BIRC6: variants seen among roughly 807,000 people sequenced by gnomAD.
BIRC6 encodes the protein dual E2 ubiquitin-conjugating enzyme/E3 ubiquitin-protein ligase BIRC6.
A neutral mutation model predicts 503.3 loss-of-function variants in BIRC6; 98 were observed. The ratio of observed to expected loss-of-function variants is 0.19; its 90% confidence interval spans 0.17 to 0.23. BIRC6 has a LOEUF of 0.23. Ranked by LOEUF, BIRC6 falls within the 10% of genes least tolerant of loss-of-function variation. BIRC6 has a pLI of 1.00. For synonymous variants in BIRC6, 2,240 were observed against 2,078.7 expected (o/e 1.08, Z -2.11); for missense variants, 5,360 against 5,806.0 (o/e 0.92, Z 2.50).
intron 16 of BIRC6, among the ~76,000 whole-genome samples, chr2:32,440,241 G>A (rs963545482): frequency 6.6e-6 from 1 of 152,206 alleles, no homozygotes; most frequent in Non-Finnish European, 1.5e-5. Flanking sequence ...GTAATTGTTA[G>A]CAGATATTTC....
Position 32,593,018 on chromosome 2 carries a change from A to G in BIRC6, c.13356-897A>G, listed in dbSNP as rs905868310. Among the ~76,000 whole-genome samples, 8 of 152,332 alleles carry G rather than the reference A, an allele frequency of 5.3e-5. No homozygotes were observed. The South Asian group carries it at 1.0e-3, about 20-fold the overall frequency. On this transcript the variant is annotated intron_variant, in intron 66 of 73. Transcript: ENST00000421745. ...TCCCTTTTTAGGTAGGTATACAACT[A>G]AAAAAATAAGTGATGTATAGTTTAG...
intron 10 of BIRC6, among the ~76,000 whole-genome samples, chr2:32,421,329 T>A (rs566470721): frequency 4.3e-4 from 66 of 152,144 alleles, no homozygotes; most frequent in African/African-American, 1.6e-3. Context: ...ATGATACTGA[T>A]CTCTTGACCT....
rs1432389179 is a variant in BIRC6, at chr2:32,599,732, T to C, written c.13831-7T>C. Reference sequence around the variant, plus strand: ...ACATAGACTTTTGTATGTTTATATATATCCAGGTTCTAATAACTGGTCCAG... The same window carrying C: ...ACATAGACTTTTGTATGTTTATATACATCCAGGTTCTAATAACTGGTCCAG... On this transcript the variant is annotated splice_polypyrimidine_tract_variant and splice_region_variant and intron_variant, in intron 69 of 73. Transcript: ENST00000421745. The C allele has an allele frequency of 1.9e-6, 3 of 1,610,842 alleles. No individual in the cohort carries two copies. The Admixed American group carries it at 5.0e-5, about 27-fold the overall frequency.
At chr2:32,430,160 A>G (rs2043938684) in intron 11 of BIRC6, among the ~76,000 whole-genome samples, 1 of 152,170 alleles carries the variant, frequency 6.6e-6, no homozygotes, top group Admixed American at 6.5e-5. Flanking sequence ...TATTGTGAAA[A>G]TACTCTAAAC....
Position 32,442,138 on chromosome 2 carries a change from G to A in BIRC6, c.4018G>A (p.Asp1340Asn), listed in dbSNP as rs769681206. ...KLLNTLCRKT[D>N]DGQITEHAQS... ...TCTTAATACTCTTTGCAGAAAAACAGATGATGGCCAGATCACAGAACATGC... is the reference window on the plus strand; with the variant it reads ...TCTTAATACTCTTTGCAGAAAAACAAATGATGGCCAGATCACAGAACATGC... The change falls in exon 18 of 74, where the codon GAT (aspartate) becomes AAT (asparagine). Residue 1340 changes from aspartate to asparagine, a missense_variant. By Grantham distance (23) the Asp-to-Asn change is conservative. This residue lies in a region of BIRC6 where 2,299 missense variants were observed against 2,267.2 expected (regional missense o/e 1.01). Transcript: ENST00000421745. 1 of 1,610,598 alleles carries A rather than the reference G, an allele frequency of 6.2e-7. No homozygotes were observed. The highest frequency in any genetic ancestry group is 1.3e-5 in the African/African-American group (1 of 74,638).
At chr2:32,435,439 A>AT (rs2044591888) in intron 13 of BIRC6, 57 bp from the exon 14 acceptor site, 2 of 1,453,836 alleles carry the variant, frequency 1.4e-6, no homozygotes, top group East Asian at 5.2e-5. Context: ...GTTTACTAAT[A>AT]TTTTTATCCT....
intron 61 of BIRC6, among the ~76,000 whole-genome samples, chr2:32,533,994 A>G (rs564726916): frequency 1.3e-5 from 2 of 152,302 alleles, no homozygotes; most frequent in East Asian, 1.9e-4. Flanking sequence ...GGATACTACT[A>G]GCTATATGGG....
rs775809555 is a variant in BIRC6 at position 32,490,014 on chromosome 2, T to C, written c.8096-27T>C. 39 of 1,464,954 alleles carry C rather than the reference T, an allele frequency of 2.7e-5. No homozygotes were observed. In the South Asian group the frequency reaches 4.2e-4, roughly 16 times the overall value. The allele number at this position is 1,464,954 out of a possible 1,614,324, so 90.7% of individuals were successfully genotyped here. ...TCATAAACATTGTTTTTCTGAAAAA[T>C]ATTTTCCCTTTCTCTTTTCTGCATA... On this transcript the variant is annotated intron_variant, in intron 42 of 73. Transcript: ENST00000421745.
At position 32,499,992 on chromosome 2, in the gene BIRC6, A is replaced by T. The variant is rs2052956744; in HGVS notation, c.8914A>T (p.Ser2972Cys). 2 of 1,614,040 alleles carry T rather than the reference A, an allele frequency of 1.2e-6. No homozygotes were observed. The highest frequency in any genetic ancestry group is 1.3e-5 in the African/African-American group (1 of 75,076). ...CAAAGATGGCAATGGAAGCAGTACC[A>T]GTGTTCAAGGATCGCCTGCATATGT... ...GGKDGNGSST[S>C]VQGSPAYVAD... The change falls in exon 46 of 74, where the codon AGT (serine) becomes TGT (cysteine). Residue 2972 changes from serine to cysteine, a missense_variant. Physicochemically the swap from Ser to Cys is moderately radical, Grantham distance 112. Coordinates refer to ENST00000421745, the MANE Select transcript of BIRC6 (RefSeq NM_016252.4).
In BIRC6 at chr2:32,578,775, G is replaced by T. The variant is rs543530101; in HGVS notation, c.13355+3409G>T. Among the ~76,000 whole-genome samples, 3 of 151,480 alleles carry T rather than the reference G, an allele frequency of 2.0e-5. No homozygotes were observed. The East Asian group carries it at 5.8e-4, about 29-fold the overall frequency. On this transcript the variant is annotated intron_variant, in intron 66 of 73. Coordinates refer to ENST00000421745, the MANE Select transcript of BIRC6 (RefSeq NM_016252.4). ...TCACACTCCATTACACTCCAGTCTG[G>T]GCAACAGAGGGAAACTCTGTCTCAA... is the stretch of plus-strand genomic sequence containing the variant.
At chr2:32,541,905 A>T (rs1285740593) in intron 61 of BIRC6, among the ~76,000 whole-genome samples, 2 of 152,144 alleles carry the variant, frequency 1.3e-5, no homozygotes, top group Non-Finnish European at 2.9e-5. Context: ...TGCAAATCTT[A>T]TTCAGCTTTT....
At chr2:32,542,771 T>C (rs2057768766) in intron 61 of BIRC6, among the ~76,000 whole-genome samples, 1 of 152,234 alleles carries the variant, frequency 6.6e-6, no homozygotes, top group African/African-American at 2.4e-5. Context: ...ATACTTCTGC[T>C]GTCATGTGCG....
intron 1 of BIRC6, among the ~76,000 whole-genome samples, chr2:32,370,434 G>A (rs945295251): frequency 4.6e-5 from 7 of 152,056 alleles, no homozygotes; most frequent in African/African-American, 1.7e-4. Flanking sequence ...GTAGATGTTG[G>A]TTCTCTTGCC....
intron 42 of BIRC6, among the ~76,000 whole-genome samples, chr2:32,489,064 G>A (rs1042030131): frequency 2.0e-5 from 3 of 151,402 alleles, no homozygotes; most frequent in Non-Finnish European, 4.4e-5. Flanking sequence ...CTATGAGTTA[G>A]CCCCTGGAGG....
chr2:32,526,210 C>T (rs2056257025), intron 59 of BIRC6, among the ~76,000 whole-genome samples: 2 of 152,124 alleles, frequency 1.3e-5, no homozygotes, highest in South Asian at 4.1e-4. Flanking sequence ...TTTTCAGTGT[C>T]CACAAGAGGA....
At chr2:32,430,805 C>CTTTTTTTTT (rs370529825) in intron 11 of BIRC6, 60 bp from the exon 12 acceptor site, 8 of 484,750 alleles carry the variant, frequency 1.7e-5, no homozygotes, top group Non-Finnish European at 2.4e-5. Context: ...TCATTGTCTT[C>CTTTTTTTTT]TTTTTTTTTT....
chr2:32,595,176 T>G (rs2061601935), intron 68 of BIRC6, 32 bp downstream of exon 68: 1 of 1,377,298 alleles, frequency 7.3e-7, no homozygotes, highest in Non-Finnish European at 1.0e-6. Flanking sequence ...GCTTAAGATC[T>G]CACTTTCCAT....
At chr2:32,375,719 C>T (rs1033373102) in intron 1 of BIRC6, among the ~76,000 whole-genome samples, 6 of 149,828 alleles carry the variant, frequency 4.0e-5, no homozygotes, top group Non-Finnish European at 7.4e-5. Context: ...AATATAGTGC[C>T]GTAAATGTAT....
At chr2:32,608,433 C>G (rs1369486205) in intron 72 of BIRC6, among the ~76,000 whole-genome samples, 2 of 151,966 alleles carry the variant, frequency 1.3e-5, no homozygotes, top group Admixed American at 1.3e-4. Context: ...TCCTCCTGTC[C>G]CATCCCGTTT....
Sources: gnomAD v4.1 joint callset for allele counts (sites outside exome capture counted in the v4.1 genomes callset) on GRCh38, gnomAD v4.1.1 for gene constraint, gnomAD v4.1.1 regional missense constraint, MANE v1.5 for transcripts, NCBI Gene and HGNC (gene_info 2026-07-23, HGNC 2026-07-21) for gene names.